Variants in PDE12 observed in about 807,000 individuals in gnomAD.
The protein encoded by PDE12 is phosphodiesterase 12, also known as 2',5'-phosphodiesterase 12.
In PDE12, 26 loss-of-function variants were observed where a neutral mutation model predicts 45.4. That is an observed-to-expected ratio of 0.57 (90% CI 0.42 to 0.79). PDE12 has a LOEUF of 0.79. PDE12 is among the 30% of genes least tolerant of loss of function. The pLI, the probability that PDE12 is intolerant of heterozygous loss-of-function variation, is 0.00. For synonymous variants in PDE12, 283 were observed against 323.9 expected (o/e 0.87, Z 1.36); for missense variants, 668 against 790.0 (o/e 0.85, Z 1.85).
the PDE12 span, among the ~76,000 whole-genome samples, chr3:57,644,706 G>GGAAAGACAGAAAGAAAAGGAAA: frequency 2.6e-5 from 1 of 38,526 alleles, no homozygotes; most frequent in Non-Finnish European, 5.1e-5. Context: ...GAGGGGAGGG[G>GGAAAGACAGAAAGAAAAGGAAA]AGGGGAGAGG....
At chr3:57,627,316 G>A in the PDE12 span, 1 of 151,936 alleles carries the variant, frequency 6.6e-6, no homozygotes, top group African/African-American at 2.4e-5. Context: ...GCTAATTTTT[G>A]TATTTTTACT....
Position 57,556,713 on chromosome 3 carries a change from G to A in PDE12, c.334G>A (p.Gly112Arg). Reference protein sequence around the residue: ...ASGGAACSGPGPEPAVFCEPV... With the variant: ...ASGGAACSGPRPEPAVFCEPV... ...CGGCGGTGCGGCCTGTTCAGGGCCGGGGCCTGAGCCGGCTGTGTTCTGCGA... is the reference window on the plus strand; with the variant it reads ...CGGCGGTGCGGCCTGTTCAGGGCCGAGGCCTGAGCCGGCTGTGTTCTGCGA... Residue 112 changes from glycine to arginine, a missense_variant, in exon 1 of 3, where the codon GGG becomes AGG. Gly to Arg is a moderately radical substitution (Grantham distance 125). This residue lies in a region of PDE12 where 580 missense variants were observed against 662.9 expected (regional missense o/e 0.87). Coordinates refer to ENST00000311180, the MANE Select transcript of PDE12 (RefSeq NM_177966.7). This position sits in a 1 kb window ranked among gnomAD's most constrained non-coding sequence, Gnocchi z 5.0. 1 of 1,596,504 alleles carries A rather than the reference G, an allele frequency of 6.3e-7. No individual in the cohort carries two copies. The highest frequency in any genetic ancestry group is 8.6e-7 in the Non-Finnish European group (1 of 1,168,506).
chr3:57,613,653 CA>C, the PDE12 span, among the ~76,000 whole-genome samples: 120 of 151,708 alleles, frequency 7.9e-4, no homozygotes, highest in East Asian at 2.4e-3. Flanking sequence ...GTAATCCCAG[CA>C]CTTTTGGAGG....
chr3:57,654,591 C>T, the PDE12 span: 2 of 970,580 alleles, frequency 2.1e-6, no homozygotes, highest in Non-Finnish European at 2.4e-6. Flanking sequence ...GTCCCTGACT[C>T]TAAGGCAAGA....
the PDE12 span, among the ~76,000 whole-genome samples, chr3:57,647,888 C>T: frequency 2.0e-5 from 3 of 151,794 alleles, no homozygotes; most frequent in Non-Finnish European, 4.4e-5. Flanking sequence ...CAAGAAGAAT[C>T]AGAGAGTGAG....
the PDE12 span, among the ~76,000 whole-genome samples, chr3:57,649,503 G>C: frequency 2.0e-5 from 3 of 147,580 alleles, no homozygotes; most frequent in Non-Finnish European, 4.5e-5. Flanking sequence ...CCCACTACTG[G>C]GTATCTACCC....
the PDE12 span, among the ~76,000 whole-genome samples, chr3:57,606,314 CAAG>C: frequency 6.6e-6 from 1 of 152,038 alleles, no homozygotes; most frequent in Non-Finnish European, 1.5e-5. Context: ...ACATTGCAGA[CAAG>C]AAGTGGAGTA....
chr3:57,588,725 G>A, the PDE12 span, among the ~76,000 whole-genome samples: 1 of 140,770 alleles, frequency 7.1e-6, no homozygotes, highest in East Asian at 2.1e-4. Flanking sequence ...GGGAGGCTGA[G>A]GCAGGTGGAT....
the PDE12 span, among the ~76,000 whole-genome samples, chr3:57,629,660 T>G: frequency 6.6e-6 from 1 of 150,752 alleles, no homozygotes; most frequent in Non-Finnish European, 1.5e-5. Context: ...TACAGGCGCC[T>G]GCCACCACGC....
the PDE12 span, among the ~76,000 whole-genome samples, chr3:57,644,403 T>C: frequency 6.6e-6 from 1 of 151,716 alleles, no homozygotes; most frequent in Non-Finnish European, 1.5e-5. Flanking sequence ...CCTCCTAGGC[T>C]CAAGCCATCC....
chr3:57,586,509 G>C, the PDE12 span, among the ~76,000 whole-genome samples: 1 of 152,094 alleles, frequency 6.6e-6, no homozygotes, highest in Non-Finnish European at 1.5e-5. Context: ...ATAACTTTAA[G>C]TTCTTTTTGG....
chr3:57,614,495 C>T, the PDE12 span, among the ~76,000 whole-genome samples: 2 of 150,032 alleles, frequency 1.3e-5, no homozygotes, highest in Non-Finnish European at 2.9e-5. Context: ...AGACACCTGC[C>T]GGACACGGTG....
At position 57,560,835 on chromosome 3, in the gene PDE12, G is replaced by A; in HGVS notation, c.*831G>A. The stretch of plus-strand genomic sequence containing the variant: ...CCTAAGGTGAGAGACTTGACACATG[G>A]AAGGAGTAACATTAGGGTCTACCTC... On this transcript the variant is annotated 3_prime_UTR_variant, in exon 3 of 3. Coordinates refer to ENST00000311180, the MANE Select transcript of PDE12 (RefSeq NM_177966.7). The A allele has an allele frequency of 1.0e-6, 1 of 985,350 alleles. No homozygotes were observed. Among genetic ancestry groups the A allele is most frequent in the Non-Finnish European group, 1.2e-6 (1 of 829,510 alleles). 61.0% of individuals were successfully genotyped at this position (985,350 alleles called of 1,614,324 possible).
At chr3:57,633,061 A>T in the PDE12 span, among the ~76,000 whole-genome samples, 1 of 152,208 alleles carries the variant, frequency 6.6e-6, no homozygotes, top group Non-Finnish European at 1.5e-5. Flanking sequence ...TGAGGGTCAG[A>T]GAGAGGGAGT....
chr3:57,607,428 C>T, the PDE12 span, among the ~76,000 whole-genome samples: 753 of 152,018 alleles, frequency 5.0e-3, 5 homozygotes, highest in African/African-American at 0.017. Flanking sequence ...AGGCTTCAGA[C>T]GATCAAACTT....
the PDE12 span, among the ~76,000 whole-genome samples, chr3:57,649,940 C>T: frequency 3.3e-5 from 5 of 151,526 alleles, no homozygotes; most frequent in African/African-American, 1.2e-4. Flanking sequence ...CACACACACA[C>T]ACCGTGGAAT....
chr3:57,628,128 T>A, the PDE12 span: 1 of 1,532,932 alleles, frequency 6.5e-7, no homozygotes, highest in Non-Finnish European at 8.8e-7. Context: ...CCGCTGCCAC[T>A]GAGAGATCTC....
chr3:57,597,271 A>G, the PDE12 span: 1 of 883,414 alleles, frequency 1.1e-6, no homozygotes, highest in South Asian at 1.6e-5. Flanking sequence ...AGGGAGGCAG[A>G]AACGTCTCAG....
At chr3:57,647,179 A>C in the PDE12 span, among the ~76,000 whole-genome samples, 293 of 152,354 alleles carry the variant, frequency 1.9e-3, no homozygotes, top group African/African-American at 6.7e-3. Context: ...CAAATAAAAA[A>C]GAAAAGAAAA....
Sources: allele counts gnomAD v4.1 joint callset (sites outside exome capture counted in the v4.1 genomes callset), GRCh38; gene constraint gnomAD v4.1.1; regional missense constraint gnomAD v4.1.1; non-coding constraint Gnocchi (gnomAD v3.1); transcripts MANE v1.5; gene names NCBI Gene and HGNC (gene_info 2026-07-23, HGNC 2026-07-21).